Variants in FICD observed in about 807,000 individuals in gnomAD.
The protein encoded by FICD is FIC domain protein adenylyltransferase.
Under a neutral mutation model 28.0 loss-of-function variants are expected in FICD, and 13 were observed. That is an observed-to-expected ratio of 0.46 (90% CI 0.30 to 0.74). The LOEUF is 0.74. FICD is among the 30% of genes least tolerant of loss of function. FICD has a pLI of 0.07. For synonymous variants in FICD, 268 were observed against 266.4 expected (o/e 1.01, Z -0.06); for missense variants, 576 against 624.5 (o/e 0.92, Z 0.83).
rs972967475 is a variant in FICD at position 108,520,579 on chromosome 12, T to G, written c.*1104T>G. The G allele has an allele frequency of 2.0e-5, 3 of 152,226 alleles. No individual in the cohort carries two copies. Among genetic ancestry groups the G allele is most frequent in the African/African-American group, 7.2e-5 (3 of 41,454 alleles). 9.4% of individuals were successfully genotyped at this position (152,226 alleles called of 1,614,324 possible). Reference sequence around the variant, plus strand: ...CCCCTGGGAGGCAGAAGAGATTGCCTCGGAGTGGCCTTATTTTTCTCGCAA... The same window carrying G: ...CCCCTGGGAGGCAGAAGAGATTGCCGCGGAGTGGCCTTATTTTTCTCGCAA... On this transcript the variant is annotated 3_prime_UTR_variant, in exon 3 of 3. Coordinates refer to ENST00000552695, the MANE Select transcript of FICD (RefSeq NM_007076.3).
At chr12:108,517,361 G>T (rs1302091520) in intron 2 of FICD, 88 bp downstream of exon 2, 2 of 1,168,748 alleles carry the variant, frequency 1.7e-6, no homozygotes, top group Non-Finnish European at 2.3e-6. Flanking sequence ...GGGCATCGGG[G>T]TATTGTGAAC....
In FICD at chr12:108,519,735, C is replaced by T. The variant is rs562291962; in HGVS notation, c.*260C>T. Reference sequence around the variant, plus strand: ...GTGTCTGCTGTGTCTTGCTGGTGGCCGTGCTTTAGGGGCAACAGTGCCACC... The same window carrying T: ...GTGTCTGCTGTGTCTTGCTGGTGGCTGTGCTTTAGGGGCAACAGTGCCACC... On this transcript the variant is annotated 3_prime_UTR_variant, in exon 3 of 3. Coordinates refer to ENST00000552695, the MANE Select transcript of FICD (RefSeq NM_007076.3). The surrounding 1 kb of genome is among the most constrained non-coding windows in gnomAD (Gnocchi z 4.5). 2.0e-5 allele frequency: 7 copies of T among 356,144 alleles called. No individual in the cohort carries two copies. Among genetic ancestry groups the T allele is most frequent in the African/African-American group, 8.4e-5 (4 of 47,388 alleles). The allele number at this position is 356,144 out of a possible 1,614,324, so 22.1% of individuals were successfully genotyped here.
At chr12:108,517,422 G>C (rs1285191089) in intron 2 of FICD, 149 bp downstream of exon 2, 1 of 583,170 alleles carries the variant, frequency 1.7e-6, no homozygotes, top group Admixed American at 3.9e-5. Flanking sequence ...CTGAGACAGT[G>C]TCACAAGTGT....
In FICD at chr12:108,518,330, G is replaced by A; in HGVS notation, c.302-70G>A. The A allele has an allele frequency of 7.5e-7, 1 of 1,330,630 alleles. No homozygotes were observed. Among genetic ancestry groups the A allele is most frequent in the South Asian group, 1.2e-5 (1 of 83,932 alleles). The allele number at this position is 1,330,630 out of a possible 1,614,324, so 82.4% of individuals were successfully genotyped here. A position where few individuals can be genotyped will look rare whatever the true frequency, so the allele number is the denominator to read the frequency against. On this transcript the variant is annotated intron_variant, in intron 2 of 2. Coordinates refer to ENST00000552695, the MANE Select transcript of FICD (RefSeq NM_007076.3). The surrounding 1 kb of genome is among the most constrained non-coding windows in gnomAD (Gnocchi z 4.4). ...GGTTTCCTGCGGAGACCAGCACAGG[G>A]GACAGCCCCCCGAATGTCCTCTGCC...
Position 108,519,637 on chromosome 12 carries a change from G to A in FICD, c.*162G>A. 1.8e-6 allele frequency: 1 copy of A among 567,508 alleles called. No individual in the cohort carries two copies. Among genetic ancestry groups the A allele is most frequent in the Non-Finnish European group, 3.0e-6 (1 of 328,064 alleles). 35.2% of individuals were successfully genotyped at this position (567,508 alleles called of 1,614,324 possible). A position where few individuals can be genotyped will look rare whatever the true frequency, so the allele number is the denominator to read the frequency against. Reference sequence around the variant, plus strand: ...AAAAAAAACTAAGTTATGAAGCCTTGTCTCTAAAATAACTTATAATTCAAC... The same window carrying A: ...AAAAAAAACTAAGTTATGAAGCCTTATCTCTAAAATAACTTATAATTCAAC... On this transcript the variant is annotated 3_prime_UTR_variant, in exon 3 of 3. Coordinates refer to ENST00000552695, the MANE Select transcript of FICD (RefSeq NM_007076.3). The surrounding 1 kb of genome is among the most constrained non-coding windows in gnomAD (Gnocchi z 4.5).
Position 108,518,008 on chromosome 12 carries a change from C to T in FICD, c.302-392C>T, listed in dbSNP as rs941679502. On this transcript the variant is annotated intron_variant, in intron 2 of 2. Transcript: ENST00000552695. This position sits in a 1 kb window ranked among gnomAD's most constrained non-coding sequence, Gnocchi z 4.4. ...GGGGCAGGAACCTGTGTCACCAGCA[C>T]AAGATGAGCTGGAGATGTAGGAGAC... The T allele has an allele frequency of 2.1e-5, 14 of 651,960 alleles. No homozygotes were observed. Among genetic ancestry groups the T allele is most frequent in the Non-Finnish European group, 3.3e-5 (12 of 359,602 alleles). The allele number at this position is 651,960 out of a possible 1,614,324, so 40.4% of individuals were successfully genotyped here.
At position 108,519,238 on chromosome 12, in the gene FICD, C is replaced by T. The variant is rs1283869498; in HGVS notation, c.1140C>T (p.Ile380=). ...GRTSRLLMNL[I]LMQAGYPPIT... is the part of the protein sequence containing the mutation. ...CCTCCCGTCTGCTCATGAACCTCAT[C>T]CTCATGCAGGCGGGCTACCCGCCCA... Residue 380 remains isoleucine, a synonymous_variant, in exon 3 of 3, where the codon ATC becomes ATT. Coordinates refer to ENST00000552695, the MANE Select transcript of FICD (RefSeq NM_007076.3). The surrounding 1 kb of genome is among the most constrained non-coding windows in gnomAD (Gnocchi z 4.5). 1.1e-5 allele frequency: 17 copies of T among 1,614,250 alleles called. No individual in the cohort carries two copies. Among genetic ancestry groups the T allele is most frequent in the African/African-American group, 2.7e-5 (2 of 75,080 alleles).
In FICD at chr12:108,520,097, T is replaced by TTG. The variant is rs1373957627; in HGVS notation, c.*623_*624insGT. 1 of 151,194 alleles carries TTG rather than the reference T, an allele frequency of 6.6e-6. No individual in the cohort carries two copies. The highest frequency in any genetic ancestry group is 1.5e-5 in the Non-Finnish European group (1 of 67,784). 9.4% of individuals were successfully genotyped at this position (151,194 alleles called of 1,614,324 possible). A position where few individuals can be genotyped will look rare whatever the true frequency, so the allele number is the denominator to read the frequency against. On this transcript the variant is annotated 3_prime_UTR_variant, in exon 3 of 3. Coordinates refer to ENST00000552695, the MANE Select transcript of FICD (RefSeq NM_007076.3). ...TTAGTGCCAGCAGCTGTTTTTTTTTTTTTTTTTTTCATATTGAGACTATTT... is the reference window on the plus strand; with the variant it reads ...TTAGTGCCAGCAGCTGTTTTTTTTTTTGTTTTTTTTTCATATTGAGACTATTT...
rs146316463 is a variant in FICD, at chr12:108,518,844, C to A, written c.746C>A (p.Thr249Asn). 2.7e-4 allele frequency: 430 copies of A among 1,614,182 alleles called. 4 individuals are homozygous for A. In the Middle Eastern group the frequency reaches 3.6e-3, roughly 14 times the overall value. The change falls in exon 3 of 3, where the codon ACC (threonine) becomes AAC (asparagine). Residue 249 changes from threonine to asparagine, a missense_variant. Physicochemically the swap from Thr to Asn is moderately conservative, Grantham distance 65 (BLOSUM62 0). Coordinates refer to ENST00000552695, the MANE Select transcript of FICD (RefSeq NM_007076.3). The surrounding 1 kb of genome is among the most constrained non-coding windows in gnomAD (Gnocchi z 4.4). ...TLSEIRHILE[T>N]RYAVPGKSLE... ...TCGGAAATCAGGCACATCCTGGAGA[C>A]CCGCTACGCCGTGCCCGGGAAGAGC...
chr12:108,519,444 G>C lies in FICD; in HGVS notation c.1346G>C (p.Gly449Ala), dbSNP rs1872033295. Residue 449 changes from glycine (G) to alanine (A), a missense_variant, in exon 3 of 3, where the codon GGG becomes GCG. By Grantham distance (60) the Gly-to-Ala change is moderately conservative. Transcript: ENST00000552695. This position sits in a 1 kb window ranked among gnomAD's most constrained non-coding sequence, Gnocchi z 4.5. ...CCAGAAGCCCAACCCAACCACTCTGGGTTCAAGGAGACGCTTCCTGTGAAG... is the reference window on the plus strand; with the variant it reads ...CCAGAAGCCCAACCCAACCACTCTGCGTTCAAGGAGACGCTTCCTGTGAAG... ...ALPEAQPNHSGFKETLPVKP is the reference protein window; with the variant it reads ...ALPEAQPNHSAFKETLPVKP 1 of 1,613,012 alleles carries C rather than the reference G, an allele frequency of 6.2e-7. No homozygotes were observed. Among genetic ancestry groups the C allele is most frequent in the Non-Finnish European group, 8.5e-7 (1 of 1,179,332 alleles).
intron 2 of FICD, chr12:108,517,476 G>A: frequency 2.3e-6 from 1 of 438,142 alleles, no homozygotes; most frequent in Non-Finnish European, 3.9e-6. Flanking sequence ...TACCAGGAAG[G>A]CTCCCTGGAG....
At chr12:108,516,838 C>G in intron 1 of FICD, 77 bp from the exon 2 acceptor site, 1 of 691,432 alleles carries the variant, frequency 1.4e-6, no homozygotes, top group Non-Finnish European at 2.2e-6. Context: ...CAGAAGTCTC[C>G]AAACCCATCT....
rs1002517437 is a variant in FICD, at chr12:108,520,530, C to CT, written c.*1058dup. On this transcript the variant is annotated 3_prime_UTR_variant, in exon 3 of 3. Transcript: ENST00000552695. ...TCTACTTACTGCCATCTTCCACGGT[C>CT]TTTGCACTGTCCCGTGTCCCATCCC... 1 of 152,278 alleles carries CT rather than the reference C, an allele frequency of 6.6e-6. No individual in the cohort carries two copies. The highest frequency in any genetic ancestry group is 6.5e-5 in the Admixed American group (1 of 15,286). The allele number at this position is 152,278 out of a possible 1,614,324, so 9.4% of individuals were successfully genotyped here.
At position 108,519,225 on chromosome 12, in the gene FICD, T is replaced by C; in HGVS notation, c.1127T>C (p.Leu376Pro). Residue 376 changes from leucine (L) to proline (P), a missense_variant, in exon 3 of 3, where the codon CTC becomes CCC. Leu to Pro is a moderately conservative substitution (Grantham distance 98). Coordinates refer to ENST00000552695, the MANE Select transcript of FICD (RefSeq NM_007076.3). This position sits in a 1 kb window ranked among gnomAD's most constrained non-coding sequence, Gnocchi z 4.5. ...GGCAACGGGAGGACCTCCCGTCTGC[T>C]CATGAACCTCATCCTCATGCAGGCG... ...IDGNGRTSRL[L>P]MNLILMQAGY... The C allele has an allele frequency of 6.2e-7, 1 of 1,614,234 alleles. No individual in the cohort carries two copies. The highest frequency in any genetic ancestry group is 8.5e-7 in the Non-Finnish European group (1 of 1,180,022).
In FICD at chr12:108,519,500, G is replaced by T. The variant is rs757539297; in HGVS notation, c.*25G>T. The T allele has an allele frequency of 2.7e-6, 4 of 1,482,956 alleles. No homozygotes were observed. The highest frequency in any genetic ancestry group is 3.7e-6 in the Non-Finnish European group (4 of 1,082,914). The allele number at this position is 1,482,956 out of a possible 1,614,324, so 91.9% of individuals were successfully genotyped here. On this transcript the variant is annotated 3_prime_UTR_variant, in exon 3 of 3. Coordinates refer to ENST00000552695, the MANE Select transcript of FICD (RefSeq NM_007076.3). This position sits in a 1 kb window ranked among gnomAD's most constrained non-coding sequence, Gnocchi z 4.5. ...ACCCTAGAAATCCTCAGTGACAAAGGCTGTCCTGAGGTAGGAAAAAAAAAA... is the reference window on the plus strand; with the variant it reads ...ACCCTAGAAATCCTCAGTGACAAAGTCTGTCCTGAGGTAGGAAAAAAAAAA...
rs758048881 is a variant in FICD at position 108,518,890 on chromosome 12, C to T, written c.792C>T (p.Val264=). The T allele has an allele frequency of 6.2e-7, 1 of 1,613,990 alleles. No homozygotes were observed. The highest frequency in any genetic ancestry group is 1.3e-5 in the African/African-American group (1 of 74,926). The change falls in exon 3 of 3, where the codon GTC becomes GTT. Residue 264 remains valine, a synonymous_variant. Transcript: ENST00000552695. This position sits in a 1 kb window ranked among gnomAD's most constrained non-coding sequence, Gnocchi z 4.4. ...AGAGCCTGGAGGAGCAGAACGAGGT[C>T]ATAGGCATGCATGCAGCCATGAAGT... is the stretch of plus-strand genomic sequence containing the variant. The part of the protein sequence containing the change: ...PGKSLEEQNE[V]IGMHAAMKYI...
Position 108,516,997 on chromosome 12 carries a change from G to A in FICD, c.25G>A (p.Val9Met). The A allele has an allele frequency of 6.5e-7, 1 of 1,532,484 alleles. No individual in the cohort carries two copies. The highest frequency in any genetic ancestry group is 8.8e-7 in the Non-Finnish European group (1 of 1,133,246). The allele number at this position is 1,532,484 out of a possible 1,614,324, so 94.9% of individuals were successfully genotyped here. A position where few individuals can be genotyped will look rare whatever the true frequency, so the allele number is the denominator to read the frequency against. Residue 9 changes from valine to methionine, a missense_variant, in exon 2 of 3, where the codon GTG becomes ATG. Val to Met is a conservative substitution (Grantham distance 21). Coordinates refer to ENST00000552695, the MANE Select transcript of FICD (RefSeq NM_007076.3). MMLIPMAS[V>M]MAVTEPKWVS... ...GATGATGCTCATACCAATGGCTTCA[G>A]TGATGGCGGTGACTGAACCGAAATG...
rs1872042126 is a variant in FICD at position 108,519,639 on chromosome 12, C to T, written c.*164C>T. On this transcript the variant is annotated 3_prime_UTR_variant, in exon 3 of 3. Transcript: ENST00000552695. This position sits in a 1 kb window ranked among gnomAD's most constrained non-coding sequence, Gnocchi z 4.5. Reference sequence around the variant, plus strand: ...AAAAAACTAAGTTATGAAGCCTTGTCTCTAAAATAACTTATAATTCAACCA... The same window carrying T: ...AAAAAACTAAGTTATGAAGCCTTGTTTCTAAAATAACTTATAATTCAACCA... 1.6e-5 allele frequency: 9 copies of T among 566,864 alleles called. No individual in the cohort carries two copies. Among genetic ancestry groups the T allele is most frequent in the Middle Eastern group, 4.3e-4 (1 of 2,316 alleles). 35.1% of individuals were successfully genotyped at this position (566,864 alleles called of 1,614,324 possible).
At position 108,517,278 on chromosome 12, in the gene FICD, GAC is replaced by G; in HGVS notation, c.301+7_301+8del. The G allele has an allele frequency of 6.6e-7, 1 of 1,507,264 alleles. No individual in the cohort carries two copies. The allele number at this position is 1,507,264 out of a possible 1,614,324, so 93.4% of individuals were successfully genotyped here. The stretch of plus-strand genomic sequence containing the variant: ...CCAAGACCAAGGCCTCTCCAGGTAA[GAC>G]AGACTGGCCGTCTTCCTCAATGCTT... On this transcript the variant is annotated splice_donor_region_variant and intron_variant, in intron 2 of 2. Coordinates refer to ENST00000552695, the MANE Select transcript of FICD (RefSeq NM_007076.3).
Sources: allele counts gnomAD v4.1 joint callset, GRCh38; gene constraint gnomAD v4.1.1; non-coding constraint Gnocchi (gnomAD v3.1); transcripts MANE v1.5; gene names NCBI Gene and HGNC (gene_info 2026-07-23, HGNC 2026-07-21).